The following KCNU1 variants were observed in gnomAD, a reference collection of about 807,000 sequenced individuals.
The protein encoded by KCNU1 is potassium calcium-activated channel subfamily U member 1, also known as potassium channel subfamily U member 1.
A neutral mutation model predicts 126.8 loss-of-function variants in KCNU1; 93 were observed. The observed-to-expected ratio is 0.73, with a 90% confidence interval of 0.62 to 0.87. KCNU1 has a LOEUF of 0.87. Ranked by LOEUF, KCNU1 falls within the 40% of genes least tolerant of loss-of-function variation. The pLI, the probability that KCNU1 is intolerant of heterozygous loss-of-function variation, is 0.00. For missense variants in KCNU1, 1,330 were observed against 1,367.1 expected (o/e 0.97, Z 0.43); for synonymous variants, 523 against 494.2 (o/e 1.06, Z -0.77).
intron 20 of KCNU1, among the ~76,000 whole-genome samples, chr8:36,908,393 T>C (rs1807720640): frequency 6.6e-6 from 1 of 152,162 alleles, no homozygotes; most frequent in African/African-American, 2.4e-5. Flanking sequence ...TTATTATACT[T>C]TAAGTTCTAT....
At chr8:36,852,150 C>G (rs1273026157) in intron 18 of KCNU1, among the ~76,000 whole-genome samples, 1 of 151,736 alleles carries the variant, frequency 6.6e-6, no homozygotes, top group Non-Finnish European at 1.5e-5. Context: ...ATATTTTATT[C>G]TATTAATATG....
At chr8:36,890,342 G>A (rs1806909132) in intron 19 of KCNU1, among the ~76,000 whole-genome samples, 1 of 152,090 alleles carries the variant, frequency 6.6e-6, no homozygotes, top group African/African-American at 2.4e-5. Context: ...TACTTGAAAT[G>A]AATGACAGCA....
Position 36,784,589 on chromosome 8 carries a change from G to A in KCNU1, c.179G>A (p.Gly60Glu). ...GTTAAAAAATGGCAAATCATCAAGG[G>A]AACAGGAATTATCTTGGTCAGTTTC... ...RSVKKWQIIKGTGIILELFTS... is the reference protein window; with the variant it reads ...RSVKKWQIIKETGIILELFTS... The change falls in exon 1 of 27, where the codon GGA becomes GAA. Residue 60 changes from glycine (G) to glutamate (E), a missense_variant. Gly to Glu is a moderately conservative substitution (Grantham distance 98, BLOSUM62 -2). Around this residue, in one of 3 missense-constraint regions of KCNU1, gnomAD observed 247 missense variants for 255.4 expected, o/e 0.97. Transcript: ENST00000399881. 1.9e-6 allele frequency: 3 copies of A among 1,612,406 alleles called. No individual in the cohort carries two copies. The highest frequency in any genetic ancestry group is 2.5e-6 in the Non-Finnish European group (3 of 1,178,906).
intron 18 of KCNU1, among the ~76,000 whole-genome samples, chr8:36,860,514 A>G (rs767555595): frequency 3.9e-5 from 6 of 152,044 alleles, no homozygotes; most frequent in Non-Finnish European, 5.9e-5. Context: ...CTCAGCCTCA[A>G]CTCTACAGTT....
intron 8 of KCNU1, 107 bp downstream of exon 8, chr8:36,814,484 C>A: frequency 1.2e-6 from 1 of 801,744 alleles, no homozygotes; most frequent in Non-Finnish European, 2.0e-6. Flanking sequence ...TGTTGCATTA[C>A]TTGGGGCACA....
intron 22 of KCNU1, among the ~76,000 whole-genome samples, chr8:36,914,010 T>C (rs763993369): frequency 1.3e-5 from 2 of 152,208 alleles, no homozygotes; most frequent in East Asian, 3.9e-4. Context: ...CTGGAGTTTG[T>C]ATTAATATTA....
At chr8:36,862,445 A>C (rs902804594) in intron 18 of KCNU1, among the ~76,000 whole-genome samples, 1 of 152,168 alleles carries the variant, frequency 6.6e-6, no homozygotes, top group Non-Finnish European at 1.5e-5. Flanking sequence ...TTAGAATTAT[A>C]GAATTTAGAC....
chr8:36,791,648 A>G (rs772812852), intron 2 of KCNU1, among the ~76,000 whole-genome samples: 16 of 152,168 alleles, frequency 1.1e-4, no homozygotes, highest in Admixed American at 8.5e-4. Flanking sequence ...ATAAAGCATC[A>G]TAATTCATTT....
At chr8:36,814,471 G>T in intron 8 of KCNU1, 94 bp downstream of exon 8, 1 of 906,348 alleles carries the variant, frequency 1.1e-6, no homozygotes, top group Non-Finnish European at 1.7e-6. Flanking sequence ...GTTTAAGAGT[G>T]AATGTTGCAT....
Position 36,909,489 on chromosome 8 carries a change from G to A in KCNU1, c.2285G>A (p.Arg762Lys). Reference sequence around the variant, plus strand: ...ATTGGGTCTCTGGACTATCTACAGAGAGAATGGCGATTTCTCTGGAATTTT... The same window carrying A: ...ATTGGGTCTCTGGACTATCTACAGAAAGAATGGCGATTTCTCTGGAATTTT... Reference protein sequence around the residue: ...VFIGSLDYLQREWRFLWNFPQ... With the variant: ...VFIGSLDYLQKEWRFLWNFPQ... Residue 762 changes from arginine to lysine, a missense_variant, in exon 21 of 27, where the codon AGA becomes AAA. Physicochemically the swap from Arg to Lys is conservative, Grantham distance 26. Transcript: ENST00000399881. 4 of 1,613,238 alleles carry A rather than the reference G, an allele frequency of 2.5e-6. No homozygotes were observed. Among genetic ancestry groups the A allele is most frequent in the Non-Finnish European group, 3.4e-6 (4 of 1,179,250 alleles).
intron 10 of KCNU1, among the ~76,000 whole-genome samples, chr8:36,822,960 A>C (rs1585417205): frequency 6.6e-6 from 1 of 152,218 alleles, no homozygotes; most frequent in African/African-American, 2.4e-5. Context: ...GTTTGACAGA[A>C]GAAATCAGTT....
In KCNU1 at chr8:36,817,275, G is replaced by A. The variant is rs931533605; in HGVS notation, c.996-375G>A. 5.3e-5 allele frequency among the ~76,000 whole-genome samples: 8 copies of A among 151,704 alleles called. No individual in the cohort carries two copies. In the East Asian group the frequency reaches 5.8e-4, roughly 11 times the overall value. ...AGCATTTTGGGAGGCTGAGGTGGGC[G>A]GATCACCTGAGGTCGGGAGTTCAAG... On this transcript the variant is annotated intron_variant, in intron 9 of 26. Coordinates refer to ENST00000399881, the MANE Select transcript of KCNU1 (RefSeq NM_001031836.3).
chr8:36,797,769 G>A (rs970456035), intron 2 of KCNU1, among the ~76,000 whole-genome samples: 2 of 152,052 alleles, frequency 1.3e-5, no homozygotes, highest in African/African-American at 2.4e-5. Context: ...GTTGAGTTTA[G>A]AATTCTTGGC....
chr8:36,834,699 C>A, intron 11 of KCNU1, 87 bp from the exon 12 acceptor site: 2 of 764,912 alleles, frequency 2.6e-6, no homozygotes, highest in South Asian at 1.7e-5. Flanking sequence ...AATTTTATTA[C>A]AAAATTGTTA....
At chr8:36,931,211 C>A in intron 25 of KCNU1, 66 bp downstream of exon 25, 5 of 1,220,102 alleles carry the variant, frequency 4.1e-6, no homozygotes, top group Non-Finnish European at 4.6e-6. Flanking sequence ...TGAAAATGGT[C>A]CAGGCTATTT....
At chr8:36,933,536 G>A (rs2117620898) in intron 26 of KCNU1, among the ~76,000 whole-genome samples, 1 of 152,232 alleles carries the variant, frequency 6.6e-6, no homozygotes, top group South Asian at 2.1e-4. Flanking sequence ...GAGGAAGATA[G>A]AAATGCATGT....
At chr8:36,837,867 A>G (rs2226314) in intron 14 of KCNU1, among the ~76,000 whole-genome samples, 30,584 of 151,964 alleles carry the variant, frequency 0.2, 3,367 homozygotes, top group Admixed American at 0.32. Context: ...TGCCTTTCAT[A>G]CACGTGACTT....
intron 19 of KCNU1, among the ~76,000 whole-genome samples, chr8:36,889,951 G>C (rs1257440137): frequency 6.6e-6 from 1 of 152,104 alleles, no homozygotes; most frequent in Non-Finnish European, 1.5e-5. Flanking sequence ...AGTAAGAACA[G>C]AGTGAAGTGA....
At chr8:36,869,842 C>G (rs1161227457) in intron 19 of KCNU1, among the ~76,000 whole-genome samples, 1 of 152,110 alleles carries the variant, frequency 6.6e-6, no homozygotes, top group Non-Finnish European at 1.5e-5. Context: ...GTCTCTGGTT[C>G]TTAGACTTCT....
Sources: gnomAD v4.1 joint callset for allele counts (sites outside exome capture counted in the v4.1 genomes callset) on GRCh38, gnomAD v4.1.1 for gene constraint, gnomAD v4.1.1 regional missense constraint, MANE v1.5 for transcripts, NCBI Gene and HGNC (gene_info 2026-07-23, HGNC 2026-07-21) for gene names.